TRHDE: variants seen among roughly 807,000 people sequenced by gnomAD.
TRHDE encodes thyrotropin-releasing hormone-degrading ectoenzyme.
TRHDE carries 72 observed loss-of-function variants against 125.7 expected under a neutral mutation model. The observed-to-expected ratio is 0.57, with a 90% confidence interval of 0.47 to 0.70. The LOEUF (loss-of-function observed/expected upper bound fraction) is 0.70. TRHDE is among the 30% of genes least tolerant of loss of function. The pLI, the probability that TRHDE is intolerant of heterozygous loss-of-function variation, is 0.00. For synonymous variants in TRHDE, 509 were observed against 509.1 expected (o/e 1.00, Z 0.00); for missense variants, 1,110 against 1,327.1 (o/e 0.84, Z 2.54).
intron 2 of TRHDE, among the ~76,000 whole-genome samples, chr12:72,369,814 G>A (rs971281998): frequency 6.6e-6 from 1 of 152,094 alleles, no homozygotes; most frequent in Non-Finnish European, 1.5e-5. Context: ...ATAAAGCCTA[G>A]TAAGCAATTT....
chr12:72,230,167 A>G (rs1592492504), intron 2 of TRHDE, among the ~76,000 whole-genome samples: 1 of 152,166 alleles, frequency 6.6e-6, no homozygotes, highest in East Asian at 1.9e-4. Context: ...AAACTTGCAA[A>G]AATAAAATTG....
intron 3 of TRHDE, 103 bp from the exon 4 acceptor site, chr12:72,469,655 C>A: frequency 1.6e-6 from 2 of 1,282,496 alleles, no homozygotes; most frequent in Non-Finnish European, 2.2e-6. Flanking sequence ...TAAGTAAAAT[C>A]AAGTATTCCT....
intron 3 of TRHDE, among the ~76,000 whole-genome samples, chr12:72,398,722 G>C (rs1418383605): frequency 6.6e-6 from 1 of 152,042 alleles, no homozygotes; most frequent in African/African-American, 2.4e-5. Context: ...TCTTATTTGG[G>C]GTCCCTATGA....
At chr12:72,164,268 A>C (rs1397000723) in intron 2 of TRHDE, among the ~76,000 whole-genome samples, 1 of 152,182 alleles carries the variant, frequency 6.6e-6, no homozygotes, top group Non-Finnish European at 1.5e-5. Flanking sequence ...GGGGATGTAG[A>C]ATTTTATGTA....
chr12:72,361,746 T>C (rs1871096894), intron 2 of TRHDE, among the ~76,000 whole-genome samples: 1 of 139,196 alleles, frequency 7.2e-6, no homozygotes, highest in Admixed American at 7.6e-5. Flanking sequence ...CAGAGTGTGA[T>C]GTTCCCCTTC....
intron 15 of TRHDE, among the ~76,000 whole-genome samples, chr12:72,638,362 T>A (rs1295675469): frequency 6.6e-6 from 1 of 152,160 alleles, no homozygotes; most frequent in African/African-American, 2.4e-5. Context: ...GCTTGGTAGA[T>A]CTTCTTCCAT....
chr12:72,308,573 T>G (rs973284804), intron 2 of TRHDE, among the ~76,000 whole-genome samples: 1 of 152,152 alleles, frequency 6.6e-6, no homozygotes, highest in Non-Finnish European at 1.5e-5. Flanking sequence ...TCTTATCTAT[T>G]CCTGCAGTGT....
chr12:72,355,210 C>G (rs1035780790), intron 2 of TRHDE, among the ~76,000 whole-genome samples: 10 of 151,328 alleles, frequency 6.6e-5, no homozygotes, highest in African/African-American at 2.2e-4. Context: ...TATTTGGGTT[C>G]CAAGGATGGT....
chr12:72,302,005 T>C (rs1868269438), intron 2 of TRHDE, among the ~76,000 whole-genome samples: 1 of 152,170 alleles, frequency 6.6e-6, no homozygotes, highest in African/African-American at 2.4e-5. Context: ...AAATTTGTAG[T>C]GTTTATTTTT....
intron 3 of TRHDE, among the ~76,000 whole-genome samples, chr12:72,444,169 T>C (rs1273892915): frequency 6.6e-6 from 1 of 151,910 alleles, no homozygotes; most frequent in Non-Finnish European, 1.5e-5. Flanking sequence ...ACCCATCTTT[T>C]AGATGATGTT....
intron 1 of TRHDE, among the ~76,000 whole-genome samples, chr12:72,096,344 T>C (rs902413015): frequency 3.3e-5 from 5 of 152,228 alleles, no homozygotes; most frequent in Non-Finnish European, 7.3e-5. Context: ...CAAAGAGGCT[T>C]CTCTTTTATT....
At chr12:72,524,571 G>C (rs1322630898) in intron 6 of TRHDE, among the ~76,000 whole-genome samples, 2 of 152,100 alleles carry the variant, frequency 1.3e-5, no homozygotes, top group African/African-American at 4.8e-5. Context: ...TATGGATCTA[G>C]CAGGATGGTA....
chr12:72,566,598 ATAATT>A (rs1318299150), intron 9 of TRHDE, among the ~76,000 whole-genome samples: 3 of 108,382 alleles, frequency 2.8e-5, no homozygotes, highest in African/African-American at 7.1e-5. Context: ...TTTAGAATAA[ATAATT>A]TAAATACATG....
chr12:72,524,519 T>C (rs1352914216), intron 6 of TRHDE, among the ~76,000 whole-genome samples: 1 of 152,198 alleles, frequency 6.6e-6, no homozygotes, highest in African/African-American at 2.4e-5. Flanking sequence ...GATGGAAACA[T>C]CAGTTATGCT....
intron 6 of TRHDE, among the ~76,000 whole-genome samples, chr12:72,501,017 A>T (rs970139000): frequency 2.0e-5 from 3 of 152,076 alleles, no homozygotes; most frequent in African/African-American, 7.2e-5. Flanking sequence ...CTGACCCATG[A>T]ATACAGTATG....
chr12:72,265,963 A>C (rs1592505966), intron 2 of TRHDE, among the ~76,000 whole-genome samples: 2 of 152,158 alleles, frequency 1.3e-5, no homozygotes, highest in South Asian at 4.1e-4. Flanking sequence ...TATTTCTTCC[A>C]ATGTCTCTTC....
chr12:72,543,967 A>G (rs1869286086), intron 7 of TRHDE, among the ~76,000 whole-genome samples: 1 of 151,222 alleles, frequency 6.6e-6, no homozygotes, highest in South Asian at 2.1e-4. Context: ...CTCATATCAT[A>G]TTAAACTTTC....
In TRHDE at chr12:72,664,654, A is replaced by C. The variant is rs73316885; in HGVS notation, c.*1459A>C. 355 of 152,028 alleles carry C rather than the reference A, an allele frequency of 2.3e-3. 3 individuals carry two copies. Among genetic ancestry groups the C allele is most frequent in the African/African-American group, 8.2e-3 (338 of 41,468 alleles). The allele number at this position is 152,028 out of a possible 1,614,324, so 9.4% of individuals were successfully genotyped here. A position where few individuals can be genotyped will look rare whatever the true frequency, so the allele number is the denominator to read the frequency against. On this transcript the variant is annotated 3_prime_UTR_variant, in exon 19 of 19. Transcript: ENST00000261180. ...ACCAGTATAAAATACCAATGCAACTACTCTACATAGCCAAATGTTTGTAAA... is the reference window on the plus strand; with the variant it reads ...ACCAGTATAAAATACCAATGCAACTCCTCTACATAGCCAAATGTTTGTAAA...
At chr12:72,371,328 G>A (rs530466564) in intron 2 of TRHDE, among the ~76,000 whole-genome samples, 3 of 150,108 alleles carry the variant, frequency 2.0e-5, no homozygotes, top group East Asian at 3.9e-4. Flanking sequence ...TATCTAGTAG[G>A]CATTTGAGAG....
Sources: gnomAD v4.1 joint callset for allele counts (sites outside exome capture counted in the v4.1 genomes callset) on GRCh38, gnomAD v4.1.1 for gene constraint, MANE v1.5 for transcripts, NCBI Gene and HGNC (gene_info 2026-07-23, HGNC 2026-07-21) for gene names.